The following TTN variants were observed in gnomAD, a reference collection of about 807,000 sequenced individuals.
The protein encoded by TTN is titin, also known as connectin.
In TTN, 1,525 loss-of-function variants were observed where a neutral mutation model predicts 3,223.0. The observed-to-expected ratio is 0.47, with a 90% CI of 0.45 to 0.49. The LOEUF (loss-of-function observed/expected upper bound fraction) is 0.49, where lower values mean the gene tolerates loss of function less well. TTN is among the 20% of genes least tolerant of loss of function. TTN has a pLI of 0.00. For synonymous variants in TTN, 14,094 were observed against 15,161.0 expected (o/e 0.93, Z 5.17); for missense variants, 40,786 against 43,424.0 (o/e 0.94, Z 5.40).
intron 83 of TTN, 75 bp from the exon 84 acceptor site, chr2:178,719,048 AAAAG>A (rs2077938597): frequency 6.6e-7 from 1 of 1,519,708 alleles, no homozygotes; most frequent in Non-Finnish European, 8.8e-7. Flanking sequence ...GCTCCTTAAA[AAAAG>A]GGAGCTAAGA....
At chr2:178,677,493 T>G (rs920971383) in intron 146 of TTN, 128 bp downstream of exon 146, 2 of 996,030 alleles carry the variant, frequency 2.0e-6, no homozygotes, top group African/African-American at 3.3e-5. Context: ...CTGGAATGTT[T>G]TCTAAGATTT....
Position 178,621,271 on chromosome 2 carries a change from T to C in TTN, c.45447A>G (p.Pro15149=), listed in dbSNP as rs1342655119. ...TCTTATCATCCCTCTTCCACTGGAC[T>C]GGAAAGCTTTCTTTTGATATAGAGC... ...FVCSISKESF[P]VQWKRDDKTL... Residue 15149 remains proline, a synonymous_variant, in exon 246 of 363, where the codon CCA becomes CCG. Coordinates refer to ENST00000589042, the MANE Select transcript of TTN (RefSeq NM_001267550.2). 3.7e-6 allele frequency: 6 copies of C among 1,612,196 alleles called. No homozygotes were observed. The highest frequency in any genetic ancestry group is 5.1e-6 in the Non-Finnish European group (6 of 1,179,120).
rs1456742765 is a variant in TTN at position 178,617,288 on chromosome 2, C to T, written c.47760+37G>A. On this transcript the variant is annotated intron_variant, in intron 254 of 362. Transcript: ENST00000589042. The stretch of plus-strand genomic sequence containing the variant: ...AACACATACAGTTATGTCCATGATC[C>T]ACATTGAATATTCTTTTTTATATGC... 2.6e-6 allele frequency: 4 copies of T among 1,541,036 alleles called. No homozygotes were observed. In the African/African-American group the frequency reaches 5.6e-5, roughly 21 times the overall value.
chr2:178,640,332 A>G (rs2061072289), intron 221 of TTN, among the ~76,000 whole-genome samples: 1 of 152,006 alleles, frequency 6.6e-6, no homozygotes, highest in African/African-American at 2.4e-5. Context: ...CTCATTGCCC[A>G]TAAATACAAT....
At position 178,547,461 on chromosome 2, in the gene TTN, A is replaced by G. The variant is rs1232852062; in HGVS notation, c.94165T>C (p.Phe31389Leu). Residue 31389 changes from phenylalanine (F) to leucine (L), a missense_variant, in exon 339 of 363, where the codon TTT (phenylalanine) becomes CTT (leucine). Transcript: ENST00000589042. ...YSFRVSSENR[F>L]GVSKPLESAP... The stretch of plus-strand genomic sequence containing the variant: ...GATTCTAGAGGTTTGCTGACACCAA[A>G]TCTGTTCTCTGAACTGACACGGAAA... 2.5e-6 allele frequency: 4 copies of G among 1,611,992 alleles called. No homozygotes were observed. The South Asian group carries it at 4.4e-5, about 18-fold the overall frequency.
rs770574599 is a variant in TTN at position 178,759,183 on chromosome 2, A to G, written c.10115-11T>C. 3.1e-6 allele frequency: 5 copies of G among 1,613,886 alleles called. No homozygotes were observed. The South Asian group carries it at 4.4e-5, about 14-fold the overall frequency. On this transcript the variant is annotated splice_polypyrimidine_tract_variant and intron_variant, in intron 43 of 362. Coordinates refer to ENST00000589042, the MANE Select transcript of TTN (RefSeq NM_001267550.2). ...ACGACACTTTTAGATCTGCGACACA[A>G]AAGAAAAGAGATACTTCAACCACAA...
chr2:178,730,852 T>A, intron 60 of TTN, 60 bp from the exon 61 acceptor site: 1 of 1,503,976 alleles, frequency 6.6e-7, no homozygotes, highest in Non-Finnish European at 8.8e-7. Flanking sequence ...TTGTTTTTGT[T>A]TTTTTTTTTA....
At chr2:178,749,271 C>A (rs777137695) in intron 47 of TTN, 32 of 1,611,302 alleles carry the variant, frequency 2.0e-5, no homozygotes, top group Non-Finnish European at 2.6e-5. Context: ...TAAACAGTAC[C>A]CTCTGCTTGG....
chr2:178,670,247 G>C lies in TTN; in HGVS notation c.35357C>G (p.Pro11786Arg), dbSNP rs375057451. 3.3e-6 allele frequency: 5 copies of C among 1,496,384 alleles called. No homozygotes were observed. The African/African-American group carries it at 7.2e-5, about 22-fold the overall frequency. The allele number at this position is 1,496,384 out of a possible 1,614,324, so 92.7% of individuals were successfully genotyped here. Residue 11786 changes from proline to arginine, a missense_variant, in exon 157 of 363, where the codon CCT becomes CGT. Transcript: ENST00000589042. ...KIVVEEKVRVPEEPRVPPTKA... is the reference protein window; with the variant it reads ...KIVVEEKVRVREEPRVPPTKA... ...AGTTGGTGGAACTCTGGGCTCTTCA[G>C]GAACACGTACTTTTTCTTCTACCAC... is the stretch of plus-strand genomic sequence containing the variant.
intron 294 of TTN, among the ~76,000 whole-genome samples, chr2:178,596,886 CAT>C (rs1482469170): frequency 6.6e-6 from 1 of 152,006 alleles, no homozygotes; most frequent in African/African-American, 2.4e-5. Flanking sequence ...GAAAAAGCCT[CAT>C]AGAGTTCAAC....
In TTN at chr2:178,715,259, G is replaced by A. The variant is rs754532440; in HGVS notation, c.25927C>T (p.Pro8643Ser). 1.6e-5 allele frequency: 26 copies of A among 1,600,182 alleles called. No individual in the cohort carries two copies. The Middle Eastern group carries it at 5.2e-4, about 32-fold the overall frequency. ...GGATGAGGCTTTTTGCGGAAAATGGGTGGTTCTAAAATTGGAAAAAAGGAA... is the reference window on the plus strand; with the variant it reads ...GGATGAGGCTTTTTGCGGAAAATGGATGGTTCTAAAATTGGAAAAAAGGAA... ...SSTSLKVKEP[P>S]IFRKKPHPIE... The change falls in exon 90 of 363, where the codon CCC becomes TCC. Residue 8643 changes from proline to serine, a missense_variant. Pro to Ser is a moderately conservative substitution (Grantham distance 74). Coordinates refer to ENST00000589042, the MANE Select transcript of TTN (RefSeq NM_001267550.2).
chr2:178,606,756 T>G (rs2054968407), intron 278 of TTN, among the ~76,000 whole-genome samples: 1 of 152,002 alleles, frequency 6.6e-6, no homozygotes, highest in Non-Finnish European at 1.5e-5. Context: ...AAACTACTTC[T>G]AGGTTATTAT....
chr2:178,747,124 CAG>C lies in TTN; in HGVS notation c.11312-5205_11312-5204del, dbSNP rs1560979270. 87 of 1,558,060 alleles carry C rather than the reference CAG, an allele frequency of 5.6e-5. No homozygotes were observed. The Middle Eastern group carries it at 1.0e-3, about 19-fold the overall frequency. On this transcript the variant is annotated intron_variant, in intron 47 of 362. Coordinates refer to ENST00000589042, the MANE Select transcript of TTN (RefSeq NM_001267550.2). ...CTCCTGGGGGTGTGGAGTATCTCTC[CAG>C]AGTCTCTCCTGGGGGTGTGGAATAT...
chr2:178,586,842 G>A lies in TTN; in HGVS notation c.64094-35C>T, dbSNP rs202199023. The A allele has an allele frequency of 8.2e-5, 131 of 1,596,528 alleles. No homozygotes were observed. In the East Asian group the frequency reaches 2.8e-3, roughly 35 times the overall value. ...AAACATAATTTAGAAGATTACCTAG[G>A]TAACCTAATCAAATCCCCTTTGTTA... On this transcript the variant is annotated intron_variant, in intron 307 of 362. Coordinates refer to ENST00000589042, the MANE Select transcript of TTN (RefSeq NM_001267550.2).
chr2:178,616,631 C>T lies in TTN; in HGVS notation c.48161-1G>A. On this transcript the variant is annotated splice_acceptor_variant, in intron 256 of 362. Coordinates refer to ENST00000589042, the MANE Select transcript of TTN (RefSeq NM_001267550.2). LOFTEE classifies it high-confidence loss of function. ...AATTCTTTGGGTGCACTTGGGCGAG[C>T]TGAAAAAAAATGCACTCACGAGTCA... The T allele has an allele frequency of 6.2e-7, 1 of 1,610,502 alleles. No homozygotes were observed. The highest frequency in any genetic ancestry group is 8.5e-7 in the Non-Finnish European group (1 of 1,178,552).
In TTN at chr2:178,538,558, T is replaced by C. The variant is rs879450752; in HGVS notation, c.99271A>G (p.Ile33091Val). The stretch of plus-strand genomic sequence containing the variant: ...TACTTACATGTGAGTTTAGTCTTTA[T>C]AGACATAGCAGTTCTGCGAGGTCTG... ...LSRPRRTAMSIKTKLTSGEAP... is the reference protein window; with the variant it reads ...LSRPRRTAMSVKTKLTSGEAP... Residue 33091 changes from isoleucine to valine, a missense_variant, in exon 354 of 363, where the codon ATA (isoleucine) becomes GTA (valine). Transcript: ENST00000589042. The C allele has an allele frequency of 6.2e-7, 1 of 1,612,356 alleles. No homozygotes were observed. Among genetic ancestry groups the C allele is most frequent in the Non-Finnish European group, 8.5e-7 (1 of 1,179,052 alleles).
Position 178,620,441 on chromosome 2 carries a change from A to C in TTN, c.46080T>G (p.Ile15360Met), listed in dbSNP as rs746352388. 1.2e-6 allele frequency: 2 copies of C among 1,612,322 alleles called. No individual in the cohort carries two copies. Among genetic ancestry groups the C allele is most frequent in the Non-Finnish European group, 1.7e-6 (2 of 1,178,916 alleles). ...RVDKYKHMLTIKDCGFPDEGE... is the reference protein window; with the variant it reads ...RVDKYKHMLTMKDCGFPDEGE... ...CTTCATCTGGGAAGCCACAGTCTTT[A>C]ATGGTTAACATGTGCTTGTACTTAT... The change falls in exon 248 of 363, where the codon ATT becomes ATG. Residue 15360 changes from isoleucine to methionine, a missense_variant. Ile to Met is a conservative substitution (Grantham distance 10). Transcript: ENST00000589042.
chr2:178,529,235 C>T lies in TTN; in HGVS notation c.106532-16G>A. On this transcript the variant is annotated splice_polypyrimidine_tract_variant and intron_variant, in intron 359 of 362. Transcript: ENST00000589042. ...TCTTTTATAGCTAAAAAAGAAACCT[C>T]TGTAAGGCAAACTTAATTAGAAAGA... The T allele has an allele frequency of 7.0e-7, 1 of 1,433,710 alleles. No homozygotes were observed. The highest frequency in any genetic ancestry group is 2.9e-5 in the Admixed American group (1 of 33,976). 88.8% of individuals were successfully genotyped at this position (1,433,710 alleles called of 1,614,324 possible). A position where few individuals can be genotyped will look rare whatever the true frequency, so the allele number is the denominator to read the frequency against.
In TTN at chr2:178,777,798, T is replaced by C; in HGVS notation, c.4386A>G (p.Lys1462=). Residue 1462 remains lysine (K), a synonymous_variant, in exon 25 of 363, where the codon AAA becomes AAG. Coordinates refer to ENST00000589042, the MANE Select transcript of TTN (RefSeq NM_001267550.2). ...ERLYKPVFVL[K]PVSFKCLEGQ... The stretch of plus-strand genomic sequence containing the variant: ...CTTCTAAACATTTGAAAGAAACAGG[T>C]TTTAACACAAAGACTGGTTTATATA... 6.2e-7 allele frequency: 1 copy of C among 1,613,908 alleles called. No individual in the cohort carries two copies. Among genetic ancestry groups the C allele is most frequent in the Non-Finnish European group, 8.5e-7 (1 of 1,179,926 alleles).
Sources: gnomAD v4.1 joint callset for allele counts (sites outside exome capture counted in the v4.1 genomes callset) on GRCh38, gnomAD v4.1.1 for gene constraint, MANE v1.5 for transcripts, NCBI Gene and HGNC (gene_info 2026-07-23, HGNC 2026-07-21) for gene names.